Variants in DLG2 observed in about 807,000 individuals in gnomAD.
DLG2 encodes the protein discs large MAGUK scaffold protein 2, also known as disks large homolog 2.
DLG2 carries 45 observed loss-of-function variants against 132.5 expected under a neutral mutation model. The observed-to-expected ratio is 0.34, with a 90% CI of 0.27 to 0.44. The LOEUF (loss-of-function observed/expected upper bound fraction) is 0.44, where lower values mean the gene tolerates loss of function less well. DLG2 is among the 20% of genes least tolerant of loss of function. The pLI is 1.00. For synonymous variants in DLG2, 424 were observed against 419.6 expected, an observed-to-expected ratio of 1.01 and a Z score of -0.13; for missense variants, 1,045 against 1,196.9, an observed-to-expected ratio of 0.87 and a Z score of 1.87.
At chr11:84,195,760 G>T (rs768615487) in intron 8 of DLG2, among the ~76,000 whole-genome samples, 1 of 152,128 alleles carries the variant, frequency 6.6e-6, no homozygotes, top group Non-Finnish European at 1.5e-5. Flanking sequence ...TGTAAGCCAG[G>T]TTCTTCTGTT....
intron 6 of DLG2, among the ~76,000 whole-genome samples, chr11:84,823,054 T>G (rs958813275): frequency 2.0e-5 from 3 of 151,906 alleles, no homozygotes; most frequent in African/African-American, 7.2e-5. Flanking sequence ...TAAAAATGCA[T>G]GTATGTAAAA....
intron 5 of DLG2, among the ~76,000 whole-genome samples, chr11:85,120,728 A>C (rs1439690455): frequency 6.6e-6 from 1 of 152,022 alleles, no homozygotes; most frequent in Non-Finnish European, 1.5e-5. Context: ...CAAAAATCAA[A>C]ATTCTTGCTG....
At chr11:85,026,651 C>T (rs1454241014) in intron 6 of DLG2, among the ~76,000 whole-genome samples, 1 of 152,018 alleles carries the variant, frequency 6.6e-6, no homozygotes, top group East Asian at 1.9e-4. Context: ...TCCTGGCTAA[C>T]ACGGTGAAAC....
chr11:84,421,757 T>C (rs1344566219), intron 7 of DLG2, among the ~76,000 whole-genome samples: 11 of 152,254 alleles, frequency 7.2e-5, no homozygotes, highest in Admixed American at 5.9e-4. Context: ...CATTCCCTTG[T>C]GTACCTGCTC....
intron 3 of DLG2, among the ~76,000 whole-genome samples, chr11:85,587,759 G>GT (rs1298488119): frequency 2.6e-5 from 4 of 151,992 alleles, no homozygotes; most frequent in Admixed American, 1.3e-4. Flanking sequence ...AACATCTTGG[G>GT]TTTTTTCTTT....
At chr11:84,584,934 C>T (rs933473615) in intron 6 of DLG2, among the ~76,000 whole-genome samples, 4 of 151,010 alleles carry the variant, frequency 2.6e-5, no homozygotes, top group South Asian at 2.1e-4. Context: ...GTGATCCGCC[C>T]GCCTCGGCCT....
intron 6 of DLG2, among the ~76,000 whole-genome samples, chr11:84,879,627 C>G (rs1427704502): frequency 6.6e-6 from 1 of 152,030 alleles, no homozygotes; most frequent in East Asian, 1.9e-4. Context: ...GGATGGAGGT[C>G]TGTTGGTATG....
In DLG2 at chr11:85,557,002, A is replaced by T. The variant is rs1452105226; in HGVS notation, c.40+41655T>A. The stretch of plus-strand genomic sequence containing the variant: ...GCTCCAAATAAGAAAATAAGTCATT[A>T]TCTCTCTTCACTGATTATATGATTC... On this transcript the variant is annotated intron_variant, in intron 3 of 27. Transcript: ENST00000376104. Among the ~76,000 whole-genome samples the T allele has an allele frequency of 2.0e-5, 3 of 151,910 alleles. 1 individual carries two copies. Among genetic ancestry groups the T allele is most frequent in the African/African-American group, 7.2e-5 (3 of 41,436 alleles).
rs147150768 is a variant in DLG2, at chr11:83,870,283, G to C, written c.1565+4137C>G. Among the ~76,000 whole-genome samples the C allele has an allele frequency of 3.3e-5, 5 of 152,238 alleles. No individual in the cohort carries two copies. In the South Asian group the frequency reaches 1.0e-3, roughly 32 times the overall value. On this transcript the variant is annotated intron_variant, in intron 16 of 27. Transcript: ENST00000376104. ...TAATTTCGCACTGTCCAACCTCCTCGAAGTATTTCACTCTATTGAGTCTCC... is the reference window on the plus strand; with the variant it reads ...TAATTTCGCACTGTCCAACCTCCTCCAAGTATTTCACTCTATTGAGTCTCC...
intron 6 of DLG2, among the ~76,000 whole-genome samples, chr11:84,764,370 T>C (rs1194673402): frequency 6.6e-6 from 1 of 152,150 alleles, no homozygotes; most frequent in Non-Finnish European, 1.5e-5. Flanking sequence ...TATAAAGACT[T>C]CAATGACTGC....
At chr11:84,155,516 A>C (rs999367709) in intron 9 of DLG2, among the ~76,000 whole-genome samples, 8 of 151,380 alleles carry the variant, frequency 5.3e-5, no homozygotes, top group Admixed American at 4.6e-4. Flanking sequence ...GCTGGCTGCA[A>C]ATTCCAAAGC....
chr11:83,589,200 A>C (rs1361550552), intron 19 of DLG2, among the ~76,000 whole-genome samples: 1 of 151,858 alleles, frequency 6.6e-6, no homozygotes, highest in African/African-American at 2.4e-5. Flanking sequence ...AGATTCACCA[A>C]AGTTGAAAAA....
At chr11:83,567,386 T>C (rs2096726188) in intron 19 of DLG2, among the ~76,000 whole-genome samples, 1 of 152,154 alleles carries the variant, frequency 6.6e-6, no homozygotes, top group Non-Finnish European at 1.5e-5. Context: ...GGAGAAAGAA[T>C]TGGAAGATTG....
intron 6 of DLG2, among the ~76,000 whole-genome samples, chr11:84,572,046 G>A (rs1290866848): frequency 1.3e-5 from 2 of 150,148 alleles, no homozygotes; most frequent in Admixed American, 6.6e-5. Flanking sequence ...GTGGATTCTA[G>A]ATTTTTTTTT....
chr11:85,196,824 C>T (rs1338027555), intron 4 of DLG2, among the ~76,000 whole-genome samples: 2 of 152,116 alleles, frequency 1.3e-5, no homozygotes, highest in Admixed American at 6.5e-5. Flanking sequence ...TAATTTCCCC[C>T]AGCCAAATAT....
intron 18 of DLG2, among the ~76,000 whole-genome samples, chr11:83,655,461 C>G (rs1337665182): frequency 6.6e-6 from 1 of 152,112 alleles, no homozygotes; most frequent in Non-Finnish European, 1.5e-5. Context: ...GAGCACTTGT[C>G]AGAGTGCTTA....
chr11:84,804,699 A>G (rs1416363623), intron 6 of DLG2, among the ~76,000 whole-genome samples: 2 of 152,192 alleles, frequency 1.3e-5, no homozygotes, highest in Admixed American at 1.3e-4. Flanking sequence ...AAAAGGCAGA[A>G]AGAACATTTT....
At chr11:83,994,048 C>A (rs186775561) in intron 11 of DLG2, among the ~76,000 whole-genome samples, 2 of 152,052 alleles carry the variant, frequency 1.3e-5, no homozygotes, top group African/African-American at 2.4e-5. Context: ...TCCTCCTAGT[C>A]GCCACTCCTT....
At chr11:85,010,312 A>G (rs1239740691) in intron 6 of DLG2, among the ~76,000 whole-genome samples, 1 of 152,106 alleles carries the variant, frequency 6.6e-6, no homozygotes, top group African/African-American at 2.4e-5. Context: ...GCATCCAATA[A>G]GATAAAGACA....
Sources: gnomAD v4.1 joint callset for allele counts (sites outside exome capture counted in the v4.1 genomes callset) on GRCh38, gnomAD v4.1.1 for gene constraint, MANE v1.5 for transcripts, NCBI Gene and HGNC (gene_info 2026-07-23, HGNC 2026-07-21) for gene names.